Variants in KCNAB1 observed in about 807,000 individuals in gnomAD.
KCNAB1 encodes the protein potassium voltage-gated channel subfamily A regulatory beta subunit 1.
A neutral mutation model predicts 64.6 loss-of-function variants in KCNAB1; 35 were observed. The ratio of observed to expected loss-of-function variants is 0.54; its 90% CI spans 0.41 to 0.72. The LOEUF is 0.72. KCNAB1 is among the 30% of genes least tolerant of loss of function. KCNAB1 has a pLI of 0.00. For synonymous variants in KCNAB1, 177 were observed against 183.8 expected (o/e 0.96, Z 0.30); for missense variants, 401 against 512.9 (o/e 0.78, Z 2.11).
rs16826414 is a variant in KCNAB1 at position 156,534,125 on chromosome 3, C to T, written c.1171-2533C>T. Among the ~76,000 whole-genome samples the T allele has an allele frequency of 7.4e-3, 1,126 of 152,178 alleles. 13 individuals are homozygous for T. The highest frequency in any genetic ancestry group is 0.026 in the African/African-American group (1,069 of 41,516). On this transcript the variant is annotated intron_variant, in intron 13 of 13. Transcript: ENST00000490337. ...ACCCAGCACTAAAGTCCACCCAAGA[C>T]GAGTTGTGATTGGGCCCCACAACAT... is the stretch of plus-strand genomic sequence containing the variant.
At chr3:156,350,308 G>T (rs1450162058) in intron 1 of KCNAB1, among the ~76,000 whole-genome samples, 2 of 152,140 alleles carry the variant, frequency 1.3e-5, no homozygotes, top group African/African-American at 4.8e-5. Flanking sequence ...CCAGCACTTT[G>T]GGAGACAGGG....
rs528776172 is a variant in KCNAB1 at position 156,292,383 on chromosome 3, G to C, written c.276-129233G>C. On this transcript the variant is annotated intron_variant, in intron 1 of 13. Transcript: ENST00000490337. ...CATTTTAGAAACTATGTACATTCCA[G>C]TCCCCAGAAAAAAACACAACTGCTG... 5.9e-5 allele frequency among the ~76,000 whole-genome samples: 9 copies of C among 152,190 alleles called. No individual in the cohort carries two copies. The East Asian group carries it at 1.4e-3, about 23-fold the overall frequency.
At chr3:156,299,170 T>A (rs1720990947) in intron 1 of KCNAB1, among the ~76,000 whole-genome samples, 1 of 152,242 alleles carries the variant, frequency 6.6e-6, no homozygotes, top group South Asian at 2.1e-4. Flanking sequence ...GCTTCCACAT[T>A]GCAGCTTCTT....
At chr3:156,307,406 GA>G (rs1250578704) in intron 1 of KCNAB1, among the ~76,000 whole-genome samples, 1 of 151,026 alleles carries the variant, frequency 6.6e-6, no homozygotes, top group Non-Finnish European at 1.5e-5. Context: ...CACAAGAAAA[GA>G]AATTATTTAT....
chr3:156,173,177 G>A (rs1053906883), intron 1 of KCNAB1, among the ~76,000 whole-genome samples: 1 of 152,150 alleles, frequency 6.6e-6, no homozygotes, highest in African/African-American at 2.4e-5. Context: ...CAGGGACCCT[G>A]GTCACAAGGC....
intron 1 of KCNAB1, among the ~76,000 whole-genome samples, chr3:156,352,248 C>G (rs145629709): frequency 7.9e-4 from 120 of 152,368 alleles, no homozygotes; most frequent in African/African-American, 2.7e-3. Flanking sequence ...CTCTTCCTTC[C>G]TCTGGCTGCC....
In KCNAB1 at chr3:156,374,636, T is replaced by C. The variant is rs1177912672; in HGVS notation, c.276-46980T>C. Among the ~76,000 whole-genome samples the C allele has an allele frequency of 2.2e-5, 3 of 135,186 alleles. 1 individual carries two copies. Among genetic ancestry groups the C allele is most frequent in the Non-Finnish European group, 4.6e-5 (3 of 64,876 alleles). The allele number at this position is 135,186 out of a possible 152,430, so 88.7% of individuals were successfully genotyped here. ...TGGTTGCATGGGTAGAAGCTTCACCTTTGCCCTTCCCACTAGCGAGAGGTG... is the reference window on the plus strand; with the variant it reads ...TGGTTGCATGGGTAGAAGCTTCACCCTTGCCCTTCCCACTAGCGAGAGGTG... On this transcript the variant is annotated intron_variant, in intron 1 of 13. Transcript: ENST00000490337.
chr3:156,224,262 G>T (rs1225566572), intron 1 of KCNAB1, among the ~76,000 whole-genome samples: 1 of 152,248 alleles, frequency 6.6e-6, no homozygotes, highest in East Asian at 1.9e-4. Flanking sequence ...ACTCGTGCTG[G>T]CCCGCAAGCA....
Position 156,319,522 on chromosome 3 carries a change from G to A in KCNAB1, c.276-102094G>A, listed in dbSNP as rs558372488. Reference sequence around the variant, plus strand: ...AGTCACATGGCCATGCCAAACTTAAGAAGGGCAGGGAAGTACAATCCTACC... The same window carrying A: ...AGTCACATGGCCATGCCAAACTTAAAAAGGGCAGGGAAGTACAATCCTACC... On this transcript the variant is annotated intron_variant, in intron 1 of 13. Coordinates refer to ENST00000490337, the MANE Select transcript of KCNAB1 (RefSeq NM_172160.3). Among the ~76,000 whole-genome samples the A allele has an allele frequency of 3.3e-5, 5 of 152,282 alleles. No homozygotes were observed. In the East Asian group the frequency reaches 9.6e-4, roughly 29 times the overall value.
chr3:156,367,332 C>T (rs6789057), intron 1 of KCNAB1, among the ~76,000 whole-genome samples: 3 of 144,802 alleles, frequency 2.1e-5, no homozygotes, highest in African/African-American at 5.5e-5. Context: ...CTGGCCACTA[C>T]GCCCAGCTAA....
intron 1 of KCNAB1, among the ~76,000 whole-genome samples, chr3:156,201,253 C>T (rs1714312371): frequency 6.6e-6 from 1 of 152,298 alleles, no homozygotes; most frequent in African/African-American, 2.4e-5. Flanking sequence ...CTGGGCTGTT[C>T]CTATTCGGCC....
At position 156,283,376 on chromosome 3, in the gene KCNAB1, C is replaced by T. The variant is rs558723759; in HGVS notation, c.276-138240C>T. On this transcript the variant is annotated intron_variant, in intron 1 of 13. Coordinates refer to ENST00000490337, the MANE Select transcript of KCNAB1 (RefSeq NM_172160.3). ...GCTTCCCTTTGAGGGTAACCCGACCCTTCTCTCTGGCTGCCCTTAACATTT... is the reference window on the plus strand; with the variant it reads ...GCTTCCCTTTGAGGGTAACCCGACCTTTCTCTCTGGCTGCCCTTAACATTT... Among the ~76,000 whole-genome samples, 378 of 145,616 alleles carry T rather than the reference C, an allele frequency of 2.6e-3. 2 individuals carry two copies. Among genetic ancestry groups the T allele is most frequent in the African/African-American group, 9.5e-3 (349 of 36,570 alleles).
At chr3:156,474,551 A>C (rs904426814) in intron 7 of KCNAB1, 183 bp from the exon 8 acceptor site, 5 of 430,416 alleles carry the variant, frequency 1.2e-5, no homozygotes. Flanking sequence ...TTATTGGGGG[A>C]AGTCAGCCTT....
At chr3:156,281,902 C>T (rs1303547517) in intron 1 of KCNAB1, among the ~76,000 whole-genome samples, 2 of 146,356 alleles carry the variant, frequency 1.4e-5, no homozygotes, top group African/African-American at 5.1e-5. Flanking sequence ...TTTGTTGATC[C>T]TTTCAAAAAA....
chr3:156,404,653 G>A (rs896549943), intron 1 of KCNAB1, among the ~76,000 whole-genome samples: 5 of 152,148 alleles, frequency 3.3e-5, no homozygotes, highest in Non-Finnish European at 7.3e-5. Flanking sequence ...CAGGGCTTGG[G>A]GAAGTTAAGC....
chr3:156,397,138 C>A (rs978161874), intron 1 of KCNAB1, among the ~76,000 whole-genome samples: 1 of 152,214 alleles, frequency 6.6e-6, no homozygotes, highest in African/African-American at 2.4e-5. Flanking sequence ...TATTTGAGAA[C>A]TTCATGACAT....
intron 1 of KCNAB1, among the ~76,000 whole-genome samples, chr3:156,335,737 G>A (rs1723653035): frequency 6.6e-6 from 1 of 151,362 alleles, no homozygotes; most frequent in Non-Finnish European, 1.5e-5. Flanking sequence ...TTTGGTATTT[G>A]ATGACATGAG....
intron 1 of KCNAB1, chr3:156,143,016 G>C (rs1184813749): frequency 7.5e-7 from 1 of 1,331,362 alleles, no homozygotes; most frequent in Non-Finnish European, 9.6e-7. Flanking sequence ...GAACTTAGGA[G>C]CCTGCTCGCC....
chr3:156,304,686 G>A (rs540622199), intron 1 of KCNAB1, among the ~76,000 whole-genome samples: 3 of 152,328 alleles, frequency 2.0e-5, no homozygotes, highest in East Asian at 3.9e-4. Context: ...GAGCAGTGTG[G>A]TGGTACAAAG....
Sources: gnomAD v4.1 joint callset for allele counts (sites outside exome capture counted in the v4.1 genomes callset) on GRCh38, gnomAD v4.1.1 for gene constraint, MANE v1.5 for transcripts, NCBI Gene and HGNC (gene_info 2026-07-23, HGNC 2026-07-21) for gene names.